RYR3: variants seen among roughly 807,000 people sequenced by gnomAD.
The protein encoded by RYR3 is ryanodine receptor 3.
In RYR3, 207 loss-of-function variants were observed where a neutral mutation model predicts 584.3. That is an observed-to-expected ratio of 0.35 (90% CI 0.32 to 0.40). RYR3 has a LOEUF of 0.40. Ranked by LOEUF, RYR3 falls within the 10% of genes least tolerant of loss-of-function variation. The pLI, the probability that RYR3 is intolerant of heterozygous loss-of-function variation, is 1.00. For missense variants in RYR3, 5,616 were observed against 6,089.2 expected (o/e 0.92, Z 2.59); for synonymous variants, 2,416 against 2,248.5 (o/e 1.07, Z -2.11).
At chr15:33,545,317 TCTG>T (rs1456289970) in intron 8 of RYR3, among the ~76,000 whole-genome samples, 2 of 152,138 alleles carry the variant, frequency 1.3e-5, no homozygotes, top group Non-Finnish European at 2.9e-5. Context: ...TCAGCAAAAT[TCTG>T]CTTACAAGGA....
At chr15:33,487,845 C>T (rs906375787) in intron 2 of RYR3, among the ~76,000 whole-genome samples, 12 of 152,164 alleles carry the variant, frequency 7.9e-5, no homozygotes, top group East Asian at 3.9e-4. Context: ...TCCAGTTCTT[C>T]GTGATTGGCA....
At chr15:33,675,443 C>A (rs149315056) in intron 38 of RYR3, among the ~76,000 whole-genome samples, 2 of 152,310 alleles carry the variant, frequency 1.3e-5, no homozygotes, top group Non-Finnish European at 2.9e-5. Flanking sequence ...CATCCTGCCC[C>A]CTATAGGCAA....
intron 33 of RYR3, 82 bp from the exon 34 acceptor site, chr15:33,660,115 C>A: frequency 1.1e-6 from 1 of 894,884 alleles, no homozygotes; most frequent in Non-Finnish European, 1.8e-6. Context: ...TTAATTTATA[C>A]TGGCCATATC....
At chr15:33,488,708 C>T (rs2050707385) in intron 2 of RYR3, among the ~76,000 whole-genome samples, 1 of 152,048 alleles carries the variant, frequency 6.6e-6, no homozygotes, top group Non-Finnish European at 1.5e-5. Flanking sequence ...AAAAATTAGC[C>T]AGGCATGGTG....
Position 33,853,087 on chromosome 15 carries a change from G to A in RYR3, c.13671G>A (p.Lys4557=). ...ACTGGGACAAGTTTGTAAAGAGAAA[G>A]GTATGCCTTGTTAGTGGGGGTGAGT... ...NNYWDKFVKR[K]VINKYGDLYG... Residue 4557 remains lysine (K), a splice_region_variant and synonymous_variant, in exon 95 of 104, where the codon AAG becomes AAA. Transcript: ENST00000634891. 1 of 1,590,784 alleles carries A rather than the reference G, an allele frequency of 6.3e-7. No individual in the cohort carries two copies. Among genetic ancestry groups the A allele is most frequent in the Non-Finnish European group, 8.5e-7 (1 of 1,170,814 alleles).
intron 44 of RYR3, among the ~76,000 whole-genome samples, chr15:33,723,208 C>G (rs1308768681): frequency 1.3e-5 from 2 of 152,224 alleles, no homozygotes; most frequent in African/African-American, 4.8e-5. Flanking sequence ...AGGTTGTACT[C>G]CTTGTCTAAC....
chr15:33,654,070 C>T (rs2062671008), intron 32 of RYR3, among the ~76,000 whole-genome samples: 1 of 152,118 alleles, frequency 6.6e-6, no homozygotes, highest in African/African-American at 2.4e-5. Context: ...TAAACATTCT[C>T]GACTCTCCAA....
chr15:33,689,278 A>T (rs2065248976), intron 38 of RYR3, among the ~76,000 whole-genome samples: 1 of 151,592 alleles, frequency 6.6e-6, no homozygotes, highest in South Asian at 2.1e-4. Context: ...GTAAATGACG[A>T]GTTGATGGGT....
At chr15:33,469,250 A>G (rs2048732912) in intron 1 of RYR3, among the ~76,000 whole-genome samples, 1 of 152,190 alleles carries the variant, frequency 6.6e-6, no homozygotes, top group Non-Finnish European at 1.5e-5. Flanking sequence ...GCAGCTTTTC[A>G]GAGATTTCAT....
chr15:33,543,857 T>C, intron 8 of RYR3, 142 bp downstream of exon 8: 1 of 680,574 alleles, frequency 1.5e-6, no homozygotes, highest in Non-Finnish European at 2.6e-6. Context: ...TGGGTTCCGG[T>C]TTGTAAAACA....
chr15:33,361,129 A>T (rs1023701174), intron 1 of RYR3, among the ~76,000 whole-genome samples: 2 of 152,194 alleles, frequency 1.3e-5, no homozygotes, highest in Non-Finnish European at 2.9e-5. Flanking sequence ...GCCTGGATCC[A>T]GGTCAGCAGC....
At position 33,652,774 on chromosome 15, in the gene RYR3, A is replaced by C; in HGVS notation, c.4199A>C (p.Gln1400Pro). Residue 1400 changes from glutamine (Q) to proline (P), a missense_variant, in exon 32 of 104, where the codon CAG (glutamine) becomes CCG (proline). Physicochemically the swap from Gln to Pro is moderately conservative, Grantham distance 76. Transcript: ENST00000634891. ...VWGGDIVASS[Q>P]RSNRSNVDLE... is the part of the protein sequence containing the mutation. ...GGTGGAGACATTGTAGCCAGTTCCCAGAGATCAAATCGGAGCAACGTGGAC... is the reference window on the plus strand; with the variant it reads ...GGTGGAGACATTGTAGCCAGTTCCCCGAGATCAAATCGGAGCAACGTGGAC... The C allele has an allele frequency of 6.2e-7, 1 of 1,613,774 alleles. No homozygotes were observed. The highest frequency in any genetic ancestry group is 8.5e-7 in the Non-Finnish European group (1 of 1,179,764).
Position 33,746,130 on chromosome 15 carries a change from A to T in RYR3, c.7962A>T (p.Ile2654=). The change falls in exon 53 of 104, where the codon ATA becomes ATT. Residue 2654 remains isoleucine (I), a synonymous_variant. Transcript: ENST00000634891. ...AAAATGTGAAGACCCACCCACTGAT[A>T]AGGCCTTTCAAGACATTAACGGAGA... ...LDENVKTHPL[I]RPFKTLTEKE... is the part of the protein sequence containing the mutation. 1 of 1,598,554 alleles carries T rather than the reference A, an allele frequency of 6.3e-7. No homozygotes were observed. The highest frequency in any genetic ancestry group is 8.5e-7 in the Non-Finnish European group (1 of 1,172,296).
chr15:33,469,461 G>A (rs918501801), intron 1 of RYR3, among the ~76,000 whole-genome samples: 3 of 151,920 alleles, frequency 2.0e-5, no homozygotes, highest in Non-Finnish European at 4.4e-5. Flanking sequence ...TCAAATAATA[G>A]CCTTGTCTTG....
intron 91 of RYR3, among the ~76,000 whole-genome samples, chr15:33,843,041 C>T (rs917114734): frequency 2.0e-5 from 3 of 151,988 alleles, no homozygotes; most frequent in Admixed American, 1.3e-4. Context: ...CAGGGTTGGC[C>T]GGGCACGGTG....
chr15:33,853,830 A>C (rs894408456), intron 96 of RYR3, 148 bp downstream of exon 96: 9 of 974,710 alleles, frequency 9.2e-6, no homozygotes, highest in Non-Finnish European at 1.0e-5. Flanking sequence ...CTGGGAGAGC[A>C]CTGCCTTAAA....
In RYR3 at chr15:33,639,656, C is replaced by T. The variant is rs561112271; in HGVS notation, c.3556+3106C>T. ...AGTCATTACCCCAGTGGGAGCTGGG[C>T]CATGGGAAGCCTTTTGCCCTTTTGG... On this transcript the variant is annotated intron_variant, in intron 27 of 103. Coordinates refer to ENST00000634891, the MANE Select transcript of RYR3 (RefSeq NM_001036.6). 5.9e-5 allele frequency among the ~76,000 whole-genome samples: 9 copies of T among 152,304 alleles called. No homozygotes were observed. The South Asian group carries it at 1.5e-3, about 25-fold the overall frequency.
intron 1 of RYR3, among the ~76,000 whole-genome samples, chr15:33,420,840 T>C (rs550467875): frequency 4.5e-4 from 69 of 152,262 alleles, no homozygotes; most frequent in African/African-American, 1.5e-3. Context: ...GAACCTACTG[T>C]TGGTAAAATG....
chr15:33,864,132 T>C lies in RYR3; in HGVS notation c.14466-6T>C. 2 of 1,608,904 alleles carry C rather than the reference T, an allele frequency of 1.2e-6. No homozygotes were observed. The highest frequency in any genetic ancestry group is 1.7e-6 in the Non-Finnish European group (2 of 1,176,330). On this transcript the variant is annotated splice_region_variant and splice_polypyrimidine_tract_variant and intron_variant, in intron 102 of 103. Coordinates refer to ENST00000634891, the MANE Select transcript of RYR3 (RefSeq NM_001036.6). ...AGTATCTAATACTATCTTTTCCTCG[T>C]TCCAGGTTCTTTCTGATGTATTTGA...
Sources: gnomAD v4.1 joint callset for allele counts (sites outside exome capture counted in the v4.1 genomes callset) on GRCh38, gnomAD v4.1.1 for gene constraint, MANE v1.5 for transcripts, NCBI Gene and HGNC (gene_info 2026-07-23, HGNC 2026-07-21) for gene names.